ANGPT2: variants seen among roughly 807,000 people sequenced by gnomAD.
The protein encoded by ANGPT2 is angiopoietin-2.
A neutral mutation model predicts 62.9 loss-of-function variants in ANGPT2; 28 were observed. The observed-to-expected ratio is 0.44, with a 90% CI of 0.33 to 0.61. ANGPT2 has a LOEUF of 0.61. Ranked by LOEUF, ANGPT2 falls within the 20% of genes least tolerant of loss-of-function variation. The pLI is 0.03. For synonymous variants in ANGPT2, 284 were observed against 207.8 expected, an observed-to-expected ratio of 1.37 and a Z score of -3.15; for missense variants, 727 against 594.9, an observed-to-expected ratio of 1.22 and a Z score of -2.31.
At chr8:6,529,882 G>GTA (rs34874181) in intron 2 of ANGPT2, among the ~76,000 whole-genome samples, 3 of 148,632 alleles carry the variant, frequency 2.0e-5, no homozygotes, top group Non-Finnish European at 4.5e-5. Context: ...CACAATAGGC[G>GTA]TTTTTTTTTT....
chr8:6,507,653 T>C (rs1206650592), intron 8 of ANGPT2: 1 of 149,668 alleles, frequency 6.7e-6, no homozygotes, highest in Non-Finnish European at 1.5e-5. Context: ...CTTGGGTTAC[T>C]GCAACCTCTG....
In ANGPT2 at chr8:6,530,007, T is replaced by G. The variant is rs60202162; in HGVS notation, c.444+2325A>C. Among the ~76,000 whole-genome samples the G allele has an allele frequency of 4.8e-3, 733 of 152,198 alleles. 5 individuals carry two copies. Among genetic ancestry groups the G allele is most frequent in the African/African-American group, 0.016 (645 of 41,528 alleles). On this transcript the variant is annotated intron_variant, in intron 2 of 8. Transcript: ENST00000629816. ...TAACACTTTTTCATTACTATTATTA[T>G]TTTTTATTTTTTTAAATTTTTGCCA...
chr8:6,535,232 C>T (rs772240723), intron 1 of ANGPT2, among the ~76,000 whole-genome samples: 1 of 152,212 alleles, frequency 6.6e-6, no homozygotes, highest in South Asian at 2.1e-4. Context: ...ATACTGCCTT[C>T]CCCCATTTCT....
intron 6 of ANGPT2, among the ~76,000 whole-genome samples, chr8:6,514,338 C>T (rs935938394): frequency 2.0e-5 from 3 of 152,064 alleles, no homozygotes; most frequent in African/African-American, 7.2e-5. Flanking sequence ...TACAGGTGTG[C>T]ACCACCACAC....
rs1817008514 is a variant in ANGPT2 at position 6,519,995 on chromosome 8, C to T, written c.800-4G>A. The T allele has an allele frequency of 5.0e-6, 8 of 1,612,214 alleles. No homozygotes were observed. The highest frequency in any genetic ancestry group is 6.8e-6 in the Non-Finnish European group (8 of 1,179,266). On this transcript the variant is annotated splice_polypyrimidine_tract_variant and splice_region_variant and intron_variant, in intron 4 of 8. Transcript: ENST00000629816. ...TTAGCAACAGTGGGGTCCTTAGCTGCTTTTAAAAAATAGTAAGGCATTTAA... is the reference window on the plus strand; with the variant it reads ...TTAGCAACAGTGGGGTCCTTAGCTGTTTTTAAAAAATAGTAAGGCATTTAA...
Position 6,500,886 on chromosome 8 carries a change from A to G in ANGPT2, c.*2215T>C, listed in dbSNP as rs928641792. 2 of 152,204 alleles carry G rather than the reference A, an allele frequency of 1.3e-5. No homozygotes were observed. The highest frequency in any genetic ancestry group is 2.9e-5 in the Non-Finnish European group (2 of 68,026). The allele number at this position is 152,204 out of a possible 1,614,324, so 9.4% of individuals were successfully genotyped here. A position where few individuals can be genotyped will look rare whatever the true frequency, so the allele number is the denominator to read the frequency against. ...TGAATTTTTTATCACCTGCCTACAA[A>G]GAGAATTGATATAAATTGTGTTGTT... On this transcript the variant is annotated 3_prime_UTR_variant, in exon 9 of 9. Transcript: ENST00000629816.
intron 1 of ANGPT2, among the ~76,000 whole-genome samples, chr8:6,558,392 C>A (rs922866738): frequency 1.3e-5 from 2 of 152,234 alleles, no homozygotes; most frequent in East Asian, 3.9e-4. Context: ...ACTCCCATGG[C>A]GGTAGAGTTG....
chr8:6,524,627 G>C (rs577411395), intron 3 of ANGPT2, among the ~76,000 whole-genome samples: 2 of 152,138 alleles, frequency 1.3e-5, no homozygotes, highest in Non-Finnish European at 2.9e-5. Flanking sequence ...TAGGGTTTTG[G>C]AGAAAAATCA....
intron 1 of ANGPT2, among the ~76,000 whole-genome samples, chr8:6,539,352 C>G (rs994798487): frequency 6.6e-6 from 1 of 152,128 alleles, no homozygotes; most frequent in Non-Finnish European, 1.5e-5. Flanking sequence ...TAGTCTTGGC[C>G]TTTTCTTCAC....
In ANGPT2 at chr8:6,501,031, T is replaced by G. The variant is rs1341573104; in HGVS notation, c.*2070A>C. The G allele has an allele frequency of 6.6e-6, 1 of 152,258 alleles. No individual in the cohort carries two copies. The highest frequency in any genetic ancestry group is 1.9e-4 in the East Asian group (1 of 5,202). 9.4% of individuals were successfully genotyped at this position (152,258 alleles called of 1,614,324 possible). On this transcript the variant is annotated 3_prime_UTR_variant, in exon 9 of 9. Coordinates refer to ENST00000629816, the MANE Select transcript of ANGPT2 (RefSeq NM_001118887.2). ...TGAAATTTTCTTATTTTCAGTTGTT[T>G]TTCAACTTGATACAAGGCCATGATA...
At position 6,562,725 on chromosome 8, in the gene ANGPT2, C is replaced by T. The variant is rs923824230; in HGVS notation, c.210G>A (p.Pro70=). ...YVSNAVQRDA[P]LEYDDSVQRL... is the part of the protein sequence containing the mutation. ...TCTGCACCGAGTCATCGTATTCGAGCGGCGCGTCCCTCTGCACAGCATTGG... is the reference window on the plus strand; with the variant it reads ...TCTGCACCGAGTCATCGTATTCGAGTGGCGCGTCCCTCTGCACAGCATTGG... Residue 70 remains proline, a synonymous_variant, in exon 1 of 9, where the codon CCG becomes CCA. Transcript: ENST00000629816. The T allele has an allele frequency of 1.2e-6, 2 of 1,613,520 alleles. No individual in the cohort carries two copies. Among genetic ancestry groups the T allele is most frequent in the East Asian group, 2.2e-5 (1 of 44,828 alleles).
At chr8:6,552,685 A>T (rs570814112) in intron 1 of ANGPT2, among the ~76,000 whole-genome samples, 1 of 152,218 alleles carries the variant, frequency 6.6e-6, no homozygotes, top group Non-Finnish European at 1.5e-5. Context: ...TATTTGAAAC[A>T]CATAATAACC....
rs192164232 is a variant in ANGPT2 at position 6,504,283 on chromosome 8, A to G, written c.1328-1022T>C. Among the ~76,000 whole-genome samples the G allele has an allele frequency of 9.4e-3, 1,277 of 136,126 alleles. 20 individuals are homozygous for G. Among genetic ancestry groups the G allele is most frequent in the African/African-American group, 0.032 (1,145 of 35,724 alleles). 89.3% of individuals were successfully genotyped at this position (136,126 alleles called of 152,430 possible). A position where few individuals can be genotyped will look rare whatever the true frequency, so the allele number is the denominator to read the frequency against. ...CAGTGAGCCGAGATCGCGCCACTGCACTCCAGCCTGGGCGACAGAGTGAGA... is the reference window on the plus strand; with the variant it reads ...CAGTGAGCCGAGATCGCGCCACTGCGCTCCAGCCTGGGCGACAGAGTGAGA... On this transcript the variant is annotated intron_variant, in intron 8 of 8. Coordinates refer to ENST00000629816, the MANE Select transcript of ANGPT2 (RefSeq NM_001118887.2).
chr8:6,515,808 G>T (rs940907227), intron 5 of ANGPT2, among the ~76,000 whole-genome samples: 1 of 152,198 alleles, frequency 6.6e-6, no homozygotes, highest in Non-Finnish European at 1.5e-5. Context: ...TAATGGAGGC[G>T]ATTTGGCAGG....
chr8:6,521,445 T>C, intron 3 of ANGPT2, 35 bp from the exon 4 acceptor site: 2 of 1,394,726 alleles, frequency 1.4e-6, no homozygotes, highest in Non-Finnish European at 2.0e-6. Flanking sequence ...TAGTGAAGGC[T>C]ATTCTAATGA....
At chr8:6,504,236 T>G (rs1002540089) in intron 8 of ANGPT2, among the ~76,000 whole-genome samples, 9 of 139,444 alleles carry the variant, frequency 6.5e-5, no homozygotes, top group African/African-American at 2.4e-4. Context: ...GAGAATGGCG[T>G]GAACCCGGGA....
rs539029026 is a variant in ANGPT2, at chr8:6,509,313, CT to C, written c.1197-252del. Among the ~76,000 whole-genome samples the C allele has an allele frequency of 1.9e-4, 29 of 152,324 alleles. No homozygotes were observed. The East Asian group carries it at 5.6e-3, about 29-fold the overall frequency. On this transcript the variant is annotated intron_variant, in intron 7 of 8. Coordinates refer to ENST00000629816, the MANE Select transcript of ANGPT2 (RefSeq NM_001118887.2). ...TCACTTGCACAACTATCAGAAGCGA[CT>C]GTAGAGCCCTGTAATTTATTTTCCT...
intron 1 of ANGPT2, 87 bp from the exon 2 acceptor site, chr8:6,532,574 TAAAAAA>T: frequency 3.4e-6 from 2 of 589,544 alleles, no homozygotes; most frequent in Non-Finnish European, 2.5e-6. Context: ...TCCCTATCTT[TAAAAAA>T]AAAAAAAAAA....
At position 6,499,971 on chromosome 8, in the gene ANGPT2, G is replaced by A. The variant is rs754275751; in HGVS notation, c.*3130C>T. ...TTTACGATGGTAAATGCAGTTTGCT[G>A]TTCTCAAGAAATTATTATAAACATA... On this transcript the variant is annotated 3_prime_UTR_variant, in exon 9 of 9. Transcript: ENST00000629816. 2.6e-6 allele frequency: 4 copies of A among 1,536,180 alleles called. No individual in the cohort carries two copies. In the African/African-American group the frequency reaches 4.1e-5, roughly 16 times the overall value.
Sources: allele counts gnomAD v4.1 joint callset (sites outside exome capture counted in the v4.1 genomes callset), GRCh38; gene constraint gnomAD v4.1.1; transcripts MANE v1.5; gene names NCBI Gene and HGNC (gene_info 2026-07-23, HGNC 2026-07-21).